The following RNF157 variants were observed in gnomAD, a reference collection of about 807,000 sequenced individuals.
RNF157 encodes the protein ring finger protein 157.
Under a neutral mutation model 88.3 loss-of-function variants are expected in RNF157, and 55 were observed. That is an observed-to-expected ratio of 0.62 (90% confidence interval 0.50 to 0.78). RNF157 has a LOEUF of 0.78. RNF157 is among the 30% of genes least tolerant of loss of function. The probability of loss-of-function intolerance (pLI) is 0.00; values close to 1 mark genes in which losing one functional copy is unlikely to be tolerated. For missense variants in RNF157, 788 were observed against 860.8 expected (o/e 0.92, Z 1.06); for synonymous variants, 334 against 341.2 (o/e 0.98, Z 0.23).
rs543539452 is a variant in RNF157 at position 76,194,811 on chromosome 17, C to T, written c.207+17553G>A. 1.6e-4 allele frequency among the ~76,000 whole-genome samples: 25 copies of T among 152,202 alleles called. 1 individual carries two copies. Among genetic ancestry groups the T allele is most frequent in the East Asian group, 1.4e-3 (7 of 5,178 alleles). ...TGGGCAGATCACGAGGTCAGGAGAT[C>T]GAGACCATCCTGGCTAACATGGTGA... On this transcript the variant is annotated intron_variant, in intron 2 of 18. Transcript: ENST00000269391.
At chr17:76,167,935 C>A in intron 3 of RNF157, 138 bp from the exon 4 acceptor site, 1 of 837,558 alleles carries the variant, frequency 1.2e-6, no homozygotes, top group East Asian at 2.6e-5. Flanking sequence ...TGAATGATCA[C>A]AGAGTGCTTC....
At chr17:76,224,672 T>C (rs965952895) in intron 1 of RNF157, among the ~76,000 whole-genome samples, 34 of 151,842 alleles carry the variant, frequency 2.2e-4, no homozygotes, top group Admixed American at 2.2e-3. Flanking sequence ...AGAATGGTCT[T>C]ACGCCACACT....
Position 76,165,339 on chromosome 17 carries a change from G to A in RNF157, c.672+163C>T, listed in dbSNP as rs370725606. Among the ~76,000 whole-genome samples the A allele has an allele frequency of 3.0e-4, 45 of 152,246 alleles. 2 individuals are homozygous for A. The South Asian group carries it at 9.1e-3, about 31-fold the overall frequency. ...GCCTCACTCTATCGCCCAGGCTGGA[G>A]TGCGGTGGTGCCATCTCAGCTCACT... On this transcript the variant is annotated intron_variant, in intron 7 of 18. Coordinates refer to ENST00000269391, the MANE Select transcript of RNF157 (RefSeq NM_052916.3).
chr17:76,162,469 A>C (rs958525160), intron 9 of RNF157, 83 bp downstream of exon 9: 1 of 957,662 alleles, frequency 1.0e-6, no homozygotes, highest in East Asian at 2.5e-5. Context: ...AGAGTTTGGC[A>C]CGCTAAATTT....
At chr17:76,164,339 A>G (rs1193988779) in intron 8 of RNF157, 2 of 154,940 alleles carry the variant, frequency 1.3e-5, no homozygotes, top group East Asian at 1.9e-4. Flanking sequence ...CTCTAATTAC[A>G]CTAAATTGGA....
intron 4 of RNF157, 65 bp downstream of exon 4, chr17:76,167,586 G>A: frequency 6.2e-7 from 1 of 1,602,512 alleles, no homozygotes; most frequent in Non-Finnish European, 8.5e-7. Context: ...ATACCATTCT[G>A]GAACTCTTCC....
chr17:76,208,586 A>G (rs1402698553), intron 2 of RNF157, among the ~76,000 whole-genome samples: 1 of 152,214 alleles, frequency 6.6e-6, no homozygotes, highest in Admixed American at 6.5e-5. Context: ...GGAAAAGAAA[A>G]AGAGAAACAT....
intron 2 of RNF157, among the ~76,000 whole-genome samples, chr17:76,187,090 TG>T (rs1414346205): frequency 1.3e-5 from 2 of 152,144 alleles, no homozygotes; most frequent in African/African-American, 2.4e-5. Flanking sequence ...TGGCAAGGTC[TG>T]GTTACTCTGG....
At chr17:76,212,274 G>T in intron 2 of RNF157, 90 bp downstream of exon 2, 1 of 869,436 alleles carries the variant, frequency 1.2e-6, no homozygotes, top group Non-Finnish European at 1.9e-6. Flanking sequence ...GCTACAAACT[G>T]CTGAACAAGC....
chr17:76,206,073 T>A (rs796792552), intron 2 of RNF157, among the ~76,000 whole-genome samples: 19 of 151,622 alleles, frequency 1.3e-4, no homozygotes, highest in Non-Finnish European at 2.4e-4. Flanking sequence ...CTATAGAAAT[T>A]TTTTTTAAAA....
chr17:76,226,610 C>T, intron 1 of RNF157: 4 of 1,613,466 alleles, frequency 2.5e-6, no homozygotes, highest in Non-Finnish European at 3.4e-6. Flanking sequence ...ACTGACCAAC[C>T]CATCCACAGT....
intron 2 of RNF157, among the ~76,000 whole-genome samples, chr17:76,181,724 A>G (rs1447823907): frequency 6.6e-6 from 1 of 151,770 alleles, no homozygotes; most frequent in East Asian, 1.9e-4. Context: ...GCTGGCCAAC[A>G]TGGTGAAACC....
intron 18 of RNF157, among the ~76,000 whole-genome samples, chr17:76,148,497 G>C (rs1010520534): frequency 1.3e-5 from 2 of 151,318 alleles, no homozygotes; most frequent in African/African-American, 4.9e-5. Flanking sequence ...TCGATCTCCT[G>C]ATCTTGTGAT....
rs775448124 is a variant in RNF157, at chr17:76,164,728, T to C, written c.720+20A>G. The C allele has an allele frequency of 1.3e-6, 2 of 1,528,900 alleles. No individual in the cohort carries two copies. The highest frequency in any genetic ancestry group is 1.8e-6 in the Non-Finnish European group (2 of 1,103,932). 94.7% of individuals were successfully genotyped at this position (1,528,900 alleles called of 1,614,324 possible). A position where few individuals can be genotyped will look rare whatever the true frequency, so the allele number is the denominator to read the frequency against. On this transcript the variant is annotated intron_variant, in intron 8 of 18. Coordinates refer to ENST00000269391, the MANE Select transcript of RNF157 (RefSeq NM_052916.3). Reference sequence around the variant, plus strand: ...AGGAAGGACCCTAATACTAACAGTCTGTGGTCTTCAAATACTTACTACTTG... The same window carrying C: ...AGGAAGGACCCTAATACTAACAGTCCGTGGTCTTCAAATACTTACTACTTG...
chr17:76,145,169 G>A lies in RNF157; in HGVS notation c.*66C>T. 2 of 1,071,726 alleles carry A rather than the reference G, an allele frequency of 1.9e-6. No homozygotes were observed. The highest frequency in any genetic ancestry group is 2.8e-5 in the South Asian group (2 of 72,630). 66.4% of individuals were successfully genotyped at this position (1,071,726 alleles called of 1,614,324 possible). On this transcript the variant is annotated 3_prime_UTR_variant, in exon 19 of 19. Transcript: ENST00000269391. ...GCATCTTGCTGAGGATGCCCAGTAG[G>A]CAGCAGCTGAGTGAGGATGGATGGA...
intron 2 of RNF157, among the ~76,000 whole-genome samples, chr17:76,208,409 T>C (rs2069719078): frequency 1.3e-5 from 2 of 152,180 alleles, no homozygotes; most frequent in South Asian, 4.1e-4. Flanking sequence ...TGTGCAGTCT[T>C]TAAACTCTCT....
intron 3 of RNF157, among the ~76,000 whole-genome samples, chr17:76,168,106 C>T (rs2068957032): frequency 1.3e-5 from 2 of 152,172 alleles, no homozygotes; most frequent in African/African-American, 4.8e-5. Context: ...CTTACTTCTT[C>T]CCTTTCCTCG....
intron 2 of RNF157, among the ~76,000 whole-genome samples, chr17:76,192,094 C>G (rs2069397160): frequency 6.6e-6 from 1 of 152,098 alleles, no homozygotes; most frequent in Non-Finnish European, 1.5e-5. Flanking sequence ...TGCACAATGA[C>G]AACAGGAAAC....
intron 1 of RNF157, among the ~76,000 whole-genome samples, chr17:76,232,281 G>C (rs2070206019): frequency 6.6e-6 from 1 of 152,070 alleles, no homozygotes; most frequent in Admixed American, 6.6e-5. Context: ...CCAGCTACTT[G>C]GGAGGCTGAG....
Sources: allele counts gnomAD v4.1 joint callset (sites outside exome capture counted in the v4.1 genomes callset), GRCh38; gene constraint gnomAD v4.1.1; transcripts MANE v1.5; gene names NCBI Gene and HGNC (gene_info 2026-07-23, HGNC 2026-07-21).